Variants in DYNC1I1 observed in about 807,000 individuals in gnomAD.
The protein encoded by DYNC1I1 is cytoplasmic dynein 1 intermediate chain 1.
In DYNC1I1, 43 loss-of-function variants were observed where a neutral mutation model predicts 86.6. That is an observed-to-expected ratio of 0.50 (90% CI 0.39 to 0.64). DYNC1I1 has a LOEUF of 0.64. Ranked by LOEUF, DYNC1I1 falls within the 30% of genes least tolerant of loss-of-function variation. The pLI is 0.00. For missense variants in DYNC1I1, 604 were observed against 788.8 expected (o/e 0.77, Z 2.81); for synonymous variants, 262 against 283.7 (o/e 0.92, Z 0.77).
At chr7:95,875,139 C>T (rs563269563) in intron 6 of DYNC1I1, among the ~76,000 whole-genome samples, 1 of 152,300 alleles carries the variant, frequency 6.6e-6, no homozygotes, top group African/African-American at 2.4e-5. Flanking sequence ...CCAAGTTCAG[C>T]TTCCCATAAT....
intron 16 of DYNC1I1, among the ~76,000 whole-genome samples, chr7:96,109,536 CT>C: frequency 6.6e-6 from 1 of 152,214 alleles, no homozygotes; most frequent in East Asian, 1.9e-4. Context: ...ATACATTTCT[CT>C]CTAAACACTA....
At chr7:95,785,963 A>G (rs1794134441) in intron 1 of DYNC1I1, among the ~76,000 whole-genome samples, 1 of 151,840 alleles carries the variant, frequency 6.6e-6, no homozygotes, top group Admixed American at 6.6e-5. Flanking sequence ...CACTCATTCT[A>G]TACAGCAAAA....
At chr7:95,971,662 C>T (rs1793174264) in intron 6 of DYNC1I1, among the ~76,000 whole-genome samples, 1 of 152,074 alleles carries the variant, frequency 6.6e-6, no homozygotes, top group African/African-American at 2.4e-5. Flanking sequence ...CGTATTTGAT[C>T]ATTTCTAACA....
At chr7:96,052,417 G>T (rs545185420) in intron 14 of DYNC1I1, among the ~76,000 whole-genome samples, 215 of 152,224 alleles carry the variant, frequency 1.4e-3, no homozygotes, top group Non-Finnish European at 2.9e-3. Context: ...AGACACATGA[G>T]ATAGTTAGTA....
At position 96,071,560 on chromosome 7, in the gene DYNC1I1, C is replaced by T. The variant is rs373393913; in HGVS notation, c.1510-4497C>T. Among the ~76,000 whole-genome samples, 296 of 152,304 alleles carry T rather than the reference C, an allele frequency of 1.9e-3. 2 individuals are homozygous for T. The highest frequency in any genetic ancestry group is 7.0e-3 in the African/African-American group (289 of 41,568). On this transcript the variant is annotated intron_variant, in intron 14 of 16. Transcript: ENST00000447467. ...CAGAGTCATACAAACCTTCAGTGAA[C>T]TGAAACAGGTCTTTACCTTCTGACA...
intron 10 of DYNC1I1, 39 bp from the exon 11 acceptor site, chr7:96,028,136 C>T (rs779245715): frequency 8.7e-6 from 14 of 1,602,440 alleles, no homozygotes; most frequent in Non-Finnish European, 1.2e-5. Context: ...ACAACCATTT[C>T]ACATTGCATC....
rs567317046 is a variant in DYNC1I1, at chr7:96,048,860, T to C, written c.1509+9439T>C. 3.3e-5 allele frequency among the ~76,000 whole-genome samples: 5 copies of C among 152,322 alleles called. No homozygotes were observed. The South Asian group carries it at 1.0e-3, about 32-fold the overall frequency. Reference sequence around the variant, plus strand: ...AAATTAATTCTAACCCTTTATGTTGTCCTAAACAGTTACGCTTGAAACTTG... The same window carrying C: ...AAATTAATTCTAACCCTTTATGTTGCCCTAAACAGTTACGCTTGAAACTTG... On this transcript the variant is annotated intron_variant, in intron 14 of 16. Transcript: ENST00000447467.
intron 6 of DYNC1I1, among the ~76,000 whole-genome samples, chr7:95,934,210 T>G (rs1791978625): frequency 6.6e-6 from 1 of 152,112 alleles, no homozygotes; most frequent in African/African-American, 2.4e-5. Flanking sequence ...AATGAAACAA[T>G]TTTGGACATT....
intron 5 of DYNC1I1, among the ~76,000 whole-genome samples, chr7:95,865,882 G>A (rs1431889283): frequency 5.9e-5 from 9 of 152,152 alleles, no homozygotes; most frequent in Admixed American, 3.9e-4. Flanking sequence ...ATTCTCAGAA[G>A]GTGTGCCCAT....
At chr7:95,982,527 C>A (rs185997636) in intron 7 of DYNC1I1, among the ~76,000 whole-genome samples, 1 of 151,896 alleles carries the variant, frequency 6.6e-6, no homozygotes, top group Admixed American at 6.6e-5. Context: ...TACATAGATA[C>A]CATTTTTTAT....
chr7:95,815,052 G>T (rs1257270807), intron 4 of DYNC1I1, among the ~76,000 whole-genome samples: 3 of 152,024 alleles, frequency 2.0e-5, no homozygotes, highest in African/African-American at 7.2e-5. Context: ...ATGATGGTGC[G>T]TGTCATTACT....
intron 1 of DYNC1I1, among the ~76,000 whole-genome samples, chr7:95,800,598 T>A (rs1302649334): frequency 2.0e-5 from 3 of 152,146 alleles, no homozygotes; most frequent in Non-Finnish European, 4.4e-5. Flanking sequence ...GAGCTGTGAT[T>A]GCTCCTAAAT....
chr7:96,082,302 C>A (rs1325719106), intron 16 of DYNC1I1, among the ~76,000 whole-genome samples: 3 of 151,284 alleles, frequency 2.0e-5, no homozygotes, highest in Admixed American at 2.0e-4. Flanking sequence ...AAAGCCTTTT[C>A]TCTCTCTTTC....
In DYNC1I1 at chr7:95,910,451, T is replaced by C. The variant is rs191256645; in HGVS notation, c.490+40453T>C. 3.3e-5 allele frequency among the ~76,000 whole-genome samples: 5 copies of C among 152,254 alleles called. No homozygotes were observed. The East Asian group carries it at 5.8e-4, about 18-fold the overall frequency. On this transcript the variant is annotated intron_variant, in intron 6 of 16. Coordinates refer to ENST00000447467, the MANE Select transcript of DYNC1I1 (RefSeq NM_001135556.2). ...CCTTCATCCATGCATGTATAATCCA[T>C]GTAAAGTGGACACTTATCCCTGGAA... is the stretch of plus-strand genomic sequence containing the variant.
intron 1 of DYNC1I1, chr7:95,804,456 C>G: frequency 2.8e-6 from 3 of 1,085,068 alleles, no homozygotes; most frequent in Non-Finnish European, 1.2e-6. Context: ...CTGGAAGTTG[C>G]GATTCTTGCT....
chr7:95,866,558 G>A (rs1483530243), intron 5 of DYNC1I1, among the ~76,000 whole-genome samples: 1 of 152,082 alleles, frequency 6.6e-6, no homozygotes, highest in African/African-American at 2.4e-5. Context: ...CTGTAAAATT[G>A]GAATATGAGA....
At chr7:95,822,083 A>T (rs1464012009) in intron 4 of DYNC1I1, among the ~76,000 whole-genome samples, 2 of 152,224 alleles carry the variant, frequency 1.3e-5, no homozygotes, top group African/African-American at 4.8e-5. Flanking sequence ...GAAGAAATTG[A>T]CCACTCATCA....
chr7:95,801,850 C>T (rs1228853811), intron 1 of DYNC1I1, among the ~76,000 whole-genome samples: 2 of 152,258 alleles, frequency 1.3e-5, no homozygotes, highest in African/African-American at 2.4e-5. Flanking sequence ...TGAAGTTCTG[C>T]GACTTCTCTT....
At chr7:95,847,481 A>C (rs1789464382) in intron 5 of DYNC1I1, among the ~76,000 whole-genome samples, 2 of 152,086 alleles carry the variant, frequency 1.3e-5, no homozygotes, top group South Asian at 4.1e-4. Context: ...TTGGCCCCTC[A>C]TTTGTCAGAG....
Sources: allele counts gnomAD v4.1 joint callset (sites outside exome capture counted in the v4.1 genomes callset), GRCh38; gene constraint gnomAD v4.1.1; transcripts MANE v1.5; gene names NCBI Gene and HGNC (gene_info 2026-07-23, HGNC 2026-07-21).